Variants in MDN1 observed in about 807,000 individuals in gnomAD.
The protein encoded by MDN1 is midasin AAA ATPase 1.
A neutral mutation model predicts 669.2 loss-of-function variants in MDN1; 266 were observed. The observed-to-expected ratio is 0.40, with a 90% CI of 0.36 to 0.44. The LOEUF is 0.44. MDN1 is among the 20% of genes least tolerant of loss of function. The probability of loss-of-function intolerance (pLI) is 1.00; values close to 1 mark genes in which losing one functional copy is unlikely to be tolerated. For synonymous variants in MDN1, 2,385 were observed against 2,457.1 expected (o/e 0.97, Z 0.87); for missense variants, 5,940 against 6,754.0 (o/e 0.88, Z 4.22).
At chr6:89,679,547 C>T (rs1454765379) in intron 74 of MDN1, among the ~76,000 whole-genome samples, 2 of 152,146 alleles carry the variant, frequency 1.3e-5, no homozygotes, top group Admixed American at 1.3e-4. Flanking sequence ...TGAGAATGGG[C>T]TCTAATCTAA....
In MDN1 at chr6:89,701,598, T is replaced by C. The variant is rs1813163641; in HGVS notation, c.8387A>G (p.Lys2796Arg). Residue 2796 changes from lysine to arginine, a missense_variant, in exon 55 of 102, where the codon AAG becomes AGG. Physicochemically the swap from Lys to Arg is conservative, Grantham distance 26 (BLOSUM62 2). Around this residue, in one of 5 missense-constraint regions of MDN1, gnomAD observed 2,292 missense variants for 2,638.3 expected, o/e 0.87. Transcript: ENST00000369393. Reference protein sequence around the residue: ...GSQTGGFAGIKKLQKFLGRPF... With the variant: ...GSQTGGFAGIRKLQKFLGRPF... ...TCGTCCCAGGAACTTCTGCAACTTC[T>C]TTATACCAGCGAAGCCACCAGTCTG... 6.2e-7 allele frequency: 1 copy of C among 1,614,098 alleles called. No homozygotes were observed. The highest frequency in any genetic ancestry group is 1.3e-5 in the African/African-American group (1 of 74,952).
chr6:89,796,324 C>CAAAAAAAAAAAAAAA lies in MDN1; in HGVS notation c.330-1538_330-1524dup, dbSNP rs35169575. Among the ~76,000 whole-genome samples, 91 of 45,274 alleles carry CAAAAAAAAAAAAAAA rather than the reference C, an allele frequency of 2.0e-3. 6 individuals carry two copies. Among genetic ancestry groups the CAAAAAAAAAAAAAAA allele is most frequent in the East Asian group, 5.2e-3 (5 of 954 alleles). 29.7% of individuals were successfully genotyped at this position (45,274 alleles called of 152,430 possible). On this transcript the variant is annotated intron_variant, in intron 2 of 101. Transcript: ENST00000369393. ...GGGCGACAAGAGCAAAACTCTGTCT[C>CAAAAAAAAAAAAAAA]AAAAAAAAAAAAAAAAAAAAAAAAA...
At chr6:89,812,923 A>G (rs544655387) in intron 1 of MDN1, among the ~76,000 whole-genome samples, 1 of 151,358 alleles carries the variant, frequency 6.6e-6, no homozygotes, top group East Asian at 2.0e-4. Context: ...ACAAAGTGAG[A>G]CTCCCCATCT....
At chr6:89,800,085 T>TA (rs1767537401) in intron 2 of MDN1, among the ~76,000 whole-genome samples, 2 of 151,740 alleles carry the variant, frequency 1.3e-5, no homozygotes, top group African/African-American at 4.8e-5. Context: ...TGGTCAAAGA[T>TA]ATAATAAATC....
chr6:89,676,813 A>G (rs1811224433), intron 76 of MDN1, among the ~76,000 whole-genome samples: 1 of 152,226 alleles, frequency 6.6e-6, no homozygotes, highest in African/African-American at 2.4e-5. Flanking sequence ...GTTCATGCAA[A>G]GCATCATTCA....
At position 89,656,790 on chromosome 6, in the gene MDN1, A is replaced by C. The variant is rs537058912; in HGVS notation, c.15195T>G (p.Ser5065Arg). The part of the protein sequence containing the change: ...EKEQGKEEHG[S>R]GAADANQAEG... The stretch of plus-strand genomic sequence containing the variant: ...CTGCCTGGTTTGCATCTGCAGCTCC[A>C]CTTCCGTGTTCCTAGGAAATCCAAG... The change falls in exon 91 of 102, where the codon AGT becomes AGG. Residue 5065 changes from serine to arginine, a missense_variant. By Grantham distance (110) the Ser-to-Arg change is moderately radical. This residue lies in a region of MDN1 where 2,280 missense variants were observed against 2,576.3 expected (regional missense o/e 0.88). Transcript: ENST00000369393. 4 of 1,612,840 alleles carry C rather than the reference A, an allele frequency of 2.5e-6. No individual in the cohort carries two copies. Among genetic ancestry groups the C allele is most frequent in the Admixed American group, 3.3e-5 (2 of 59,770 alleles).
intron 62 of MDN1, 24 bp downstream of exon 62, chr6:89,694,050 C>T (rs774656676): frequency 5.7e-6 from 9 of 1,586,868 alleles, no homozygotes; most frequent in African/African-American, 4.0e-5. Context: ...ATCCCCAAAA[C>T]AAATAATCAC....
chr6:89,785,106 T>C lies in MDN1; in HGVS notation c.1355A>G (p.Asn452Ser). The C allele has an allele frequency of 6.2e-7, 1 of 1,613,790 alleles. No homozygotes were observed. Among genetic ancestry groups the C allele is most frequent in the South Asian group, 1.1e-5 (1 of 91,058 alleles). The change falls in exon 9 of 102, where the codon AAT (asparagine) becomes AGT (serine). Residue 452 changes from asparagine to serine, a missense_variant. By Grantham distance (46) the Asn-to-Ser change is conservative. Coordinates refer to ENST00000369393, the MANE Select transcript of MDN1 (RefSeq NM_014611.3). ...ATRRLLSCGG[N>S]WYRPLNSHAT... is the part of the protein sequence containing the mutation. ...ATGACTGTTTAGCGGTCGATACCAA[T>C]TTCCTCCACAGCTCAAGAGTCTACG...
In MDN1 at chr6:89,654,427, C is replaced by T. The variant is rs1809103605; in HGVS notation, c.15491-93G>A. ...GGTATGGTTTCTGTCATTCTAGCTTCCAAAATGCTAGTGATGCAAGTTGTG... is the reference window on the plus strand; with the variant it reads ...GGTATGGTTTCTGTCATTCTAGCTTTCAAAATGCTAGTGATGCAAGTTGTG... On this transcript the variant is annotated intron_variant, in intron 92 of 101. Transcript: ENST00000369393. 3 of 1,502,922 alleles carry T rather than the reference C, an allele frequency of 2.0e-6. No individual in the cohort carries two copies. The East Asian group carries it at 6.8e-5, about 34-fold the overall frequency. The allele number at this position is 1,502,922 out of a possible 1,614,324, so 93.1% of individuals were successfully genotyped here. A position where few individuals can be genotyped will look rare whatever the true frequency, so the allele number is the denominator to read the frequency against.
intron 1 of MDN1, 68 bp from the exon 2 acceptor site, chr6:89,803,622 C>T: frequency 1.7e-6 from 2 of 1,188,576 alleles, no homozygotes; most frequent in Non-Finnish European, 2.4e-6. Flanking sequence ...CGCTCTGTCG[C>T]CCAGGAGCAA....
intron 37 of MDN1, among the ~76,000 whole-genome samples, chr6:89,726,482 G>GAAAAAAAAAAAAAAAAAAAAAAA (rs201576721): frequency 2.2e-5 from 2 of 90,918 alleles, no homozygotes. Context: ...AAGAAAAATA[G>GAAAAAAAAAAAAAAAAAAAAAAA]AAAAAAAAAA....
intron 1 of MDN1, among the ~76,000 whole-genome samples, chr6:89,810,187 G>A (rs1403295079): frequency 1.3e-5 from 2 of 151,896 alleles, no homozygotes; most frequent in African/African-American, 2.4e-5. Context: ...TGTAATCCCA[G>A]CATTTTGGGA....
chr6:89,794,832 A>G (rs1270383323), intron 2 of MDN1, 31 bp from the exon 3 acceptor site: 1 of 1,578,392 alleles, frequency 6.3e-7, no homozygotes, highest in Non-Finnish European at 8.7e-7. Flanking sequence ...GACATCCCCA[A>G]CTTAACAATG....
Position 89,753,505 on chromosome 6 carries a change from A to G in MDN1, c.3075+7T>C, listed in dbSNP as rs1315940743. 1.3e-6 allele frequency: 2 copies of G among 1,599,336 alleles called. No individual in the cohort carries two copies. The highest frequency in any genetic ancestry group is 1.7e-6 in the Non-Finnish European group (2 of 1,167,184). On this transcript the variant is annotated splice_region_variant and intron_variant, in intron 22 of 101. Coordinates refer to ENST00000369393, the MANE Select transcript of MDN1 (RefSeq NM_014611.3). ...TGTAACAAGTCAAAAATAACAAAAGAACATACCTGCTTCAGCAGACTCTTG... is the reference window on the plus strand; with the variant it reads ...TGTAACAAGTCAAAAATAACAAAAGGACATACCTGCTTCAGCAGACTCTTG...
At chr6:89,783,553 C>A (rs1000581127) in intron 9 of MDN1, among the ~76,000 whole-genome samples, 1 of 152,152 alleles carries the variant, frequency 6.6e-6, no homozygotes, top group Non-Finnish European at 1.5e-5. Context: ...CTGCTTTATG[C>A]CTTTTGCCTT....
At chr6:89,814,887 C>A in intron 1 of MDN1, 2 of 493,064 alleles carry the variant, frequency 4.1e-6, no homozygotes, top group South Asian at 3.1e-5. Context: ...TCCTAGAAAC[C>A]CCTAGAAACC....
At chr6:89,761,824 T>G in intron 16 of MDN1, 76 bp from the exon 17 acceptor site, 2 of 1,053,646 alleles carry the variant, frequency 1.9e-6, no homozygotes, top group Non-Finnish European at 2.8e-6. Flanking sequence ...CAAATACAAT[T>G]AACAAAACAC....
At chr6:89,764,231 T>C (rs1817692679) in intron 15 of MDN1, among the ~76,000 whole-genome samples, 1 of 152,162 alleles carries the variant, frequency 6.6e-6, no homozygotes, top group African/African-American at 2.4e-5. Flanking sequence ...AAAAATTTTT[T>C]TGAGCACCTG....
intron 40 of MDN1, among the ~76,000 whole-genome samples, chr6:89,719,937 T>TA (rs375262647): frequency 1.3e-3 from 193 of 152,240 alleles, no homozygotes; most frequent in African/African-American, 4.5e-3. Flanking sequence ...TTTGGATCTC[T>TA]AAAAAATCTA....
Sources: allele counts gnomAD v4.1 joint callset (sites outside exome capture counted in the v4.1 genomes callset), GRCh38; gene constraint gnomAD v4.1.1; regional missense constraint gnomAD v4.1.1; transcripts MANE v1.5; gene names NCBI Gene and HGNC (gene_info 2026-07-23, HGNC 2026-07-21).